ZNF493: variants seen among roughly 807,000 people sequenced by gnomAD.
ZNF493 encodes zinc finger protein 493.
In ZNF493, 11 loss-of-function variants were observed where a neutral mutation model predicts 12.2. That is an observed-to-expected ratio of 0.90 (90% CI 0.57 to 1.50). The LOEUF is 1.50. ZNF493 is among the 40% of genes most tolerant of loss of function. The pLI, the probability that ZNF493 is intolerant of heterozygous loss-of-function variation, is 0.00. For synonymous variants in ZNF493, 286 were observed against 302.6 expected, an observed-to-expected ratio of 0.95 and a Z score of 0.57; for missense variants, 950 against 906.6, an observed-to-expected ratio of 1.05 and a Z score of -0.61.
chr19:21,425,041 C>T lies in ZNF493; in HGVS notation c.*57C>T. The stretch of plus-strand genomic sequence containing the variant: ...TCCCTTACTAAAGAATGTGGCAAAG[C>T]TTTTCACCAGTACTTTACCCTTAAT... On this transcript the variant is annotated 3_prime_UTR_variant, in exon 4 of 4. Coordinates refer to ENST00000392288, the MANE Select transcript of ZNF493 (RefSeq NM_001076678.3). The T allele has an allele frequency of 3.2e-6, 5 of 1,549,664 alleles. No homozygotes were observed. Among genetic ancestry groups the T allele is most frequent in the Non-Finnish European group, 4.4e-6 (5 of 1,145,948 alleles).
rs568775867 is a variant in ZNF493 at position 21,424,055 on chromosome 19, T to C, written c.1396T>C (p.Cys466Arg). The C allele has an allele frequency of 5.6e-6, 9 of 1,613,638 alleles. No homozygotes were observed. In the African/African-American group the frequency reaches 1.2e-4, roughly 22 times the overall value. Reference sequence around the variant, plus strand: ...AGAGAAACCCTACAAATGTGAAGAATGTGGCAAAGCTTTTAAACGATCTTC... The same window carrying C: ...AGAGAAACCCTACAAATGTGAAGAACGTGGCAAAGCTTTTAAACGATCTTC... Reference protein sequence around the residue: ...TEEKPYKCEECGKAFKRSSTL... With the variant: ...TEEKPYKCEERGKAFKRSSTL... Residue 466 changes from cysteine (C) to arginine (R), a missense_variant, in exon 4 of 4, where the codon TGT becomes CGT. Transcript: ENST00000392288.
chr19:21,421,129 A>T (rs1599379930), intron 3 of ZNF493, among the ~76,000 whole-genome samples: 1 of 152,186 alleles, frequency 6.6e-6, no homozygotes, highest in South Asian at 2.1e-4. Flanking sequence ...TGTTTGATAT[A>T]AATATCTTTG....
intron 1 of ZNF493, among the ~76,000 whole-genome samples, chr19:21,401,368 G>T (rs1218079729): frequency 6.6e-6 from 1 of 151,998 alleles, no homozygotes; most frequent in Non-Finnish European, 1.5e-5. Flanking sequence ...TTTTCTTGAG[G>T]ATATTTTCAT....
Position 21,425,222 on chromosome 19 carries a change from C to A in ZNF493, c.*238C>A, listed in dbSNP as rs1414579334. ...AATGTGGCAAAGGCTTTAATTAGTT[C>A]TCATCCCTTACTAAACATAAGAGAA... On this transcript the variant is annotated 3_prime_UTR_variant, in exon 4 of 4. Coordinates refer to ENST00000392288, the MANE Select transcript of ZNF493 (RefSeq NM_001076678.3). The A allele has an allele frequency of 5.2e-6, 3 of 571,722 alleles. No individual in the cohort carries two copies. Among genetic ancestry groups the A allele is most frequent in the East Asian group, 3.3e-5 (1 of 30,610 alleles). 35.4% of individuals were successfully genotyped at this position (571,722 alleles called of 1,614,324 possible).
Position 21,425,005 on chromosome 19 carries a change from A to G in ZNF493, c.*21A>G. 6.3e-7 allele frequency: 1 copy of G among 1,577,654 alleles called. No homozygotes were observed. The highest frequency in any genetic ancestry group is 1.2e-5 in the South Asian group (1 of 84,042). On this transcript the variant is annotated 3_prime_UTR_variant, in exon 4 of 4. Transcript: ENST00000392288. ...AGTGAAGAATGTGGCAAAGGCCTTT[A>G]CTGCTCCTATTCCCTTACTAAAGAA... is the stretch of plus-strand genomic sequence containing the variant.
At chr19:21,419,609 G>C (rs2030594558) in intron 3 of ZNF493, among the ~76,000 whole-genome samples, 1 of 152,102 alleles carries the variant, frequency 6.6e-6, no homozygotes, top group African/African-American at 2.4e-5. Flanking sequence ...GCTGGCAGCT[G>C]ACTAGATGGT....
intron 3 of ZNF493, 68 bp downstream of exon 3, chr19:21,405,924 A>AG: frequency 7.8e-7 from 1 of 1,279,178 alleles, no homozygotes; most frequent in Non-Finnish European, 1.1e-6. Context: ...AAAAAAAAAA[A>AG]AAAAAGCCAG....
chr19:21,414,336 T>C (rs181268022), intron 3 of ZNF493: 1 of 152,370 alleles, frequency 6.6e-6, no homozygotes, highest in East Asian at 1.9e-4. Context: ...AGTTGGGCAT[T>C]GCTGGATAAT....
rs749326817 is a variant in ZNF493, at chr19:21,423,471, G to T, written c.812G>T (p.Gly271Val). The change falls in exon 4 of 4, where the codon GGC (glycine) becomes GTC (valine). Residue 271 changes from glycine (G) to valine (V), a missense_variant. By Grantham distance (109) the Gly-to-Val change is moderately radical. Transcript: ENST00000392288. ...GQKPYKCEEC[G>V]TSFYQFSYLT... ...AAACCCTACAAATGTGAAGAATGTG[G>T]CACATCTTTCTACCAATTCTCATAC... The T allele has an allele frequency of 6.2e-7, 1 of 1,613,578 alleles. No individual in the cohort carries two copies. Among genetic ancestry groups the T allele is most frequent in the South Asian group, 1.1e-5 (1 of 91,070 alleles).
chr19:21,424,461 A>G lies in ZNF493; in HGVS notation c.1802A>G (p.Tyr601Cys). ...ATAATTCATACTGATAAGAAACCCT[A>G]CAAATGTGAAGAATGTGGCAAAGCT... is the stretch of plus-strand genomic sequence containing the variant. ...HKIIHTDKKP[Y>C]KCEECGKAFN... Residue 601 changes from tyrosine (Y) to cysteine (C), a missense_variant, in exon 4 of 4, where the codon TAC (tyrosine) becomes TGC (cysteine). Coordinates refer to ENST00000392288, the MANE Select transcript of ZNF493 (RefSeq NM_001076678.3). 6.2e-7 allele frequency: 1 copy of G among 1,613,408 alleles called. No individual in the cohort carries two copies. Among genetic ancestry groups the G allele is most frequent in the South Asian group, 1.1e-5 (1 of 90,990 alleles).
intron 3 of ZNF493, among the ~76,000 whole-genome samples, chr19:21,411,343 T>C (rs2030319001): frequency 6.6e-6 from 1 of 152,172 alleles, no homozygotes; most frequent in Non-Finnish European, 1.5e-5. Context: ...TAGCTTTTAA[T>C]GTGTTTTGAA....
chr19:21,397,317 A>G, intron 1 of ZNF493, 50 bp downstream of exon 1: 1 of 1,611,632 alleles, frequency 6.2e-7, no homozygotes, highest in African/African-American at 1.3e-5. Flanking sequence ...AGTTGCTCGG[A>G]ACCGGTGGGA....
intron 3 of ZNF493, chr19:21,407,845 T>A: frequency 1.0e-6 from 1 of 985,386 alleles, no homozygotes; most frequent in African/African-American, 1.7e-5. Context: ...ATGCTTCCAG[T>A]GCTATGTTAA....
At chr19:21,415,013 C>T (rs2030437680) in intron 3 of ZNF493, among the ~76,000 whole-genome samples, 3 of 152,100 alleles carry the variant, frequency 2.0e-5, no homozygotes, top group Non-Finnish European at 1.5e-5. Context: ...ATAACTTTTC[C>T]AGGATCATAT....
intron 1 of ZNF493, among the ~76,000 whole-genome samples, chr19:21,402,439 CT>C (rs2145265071): frequency 6.6e-6 from 1 of 152,134 alleles, no homozygotes; most frequent in Admixed American, 6.5e-5. Context: ...CAGTTTTTTC[CT>C]TTTAGGTAGA....
chr19:21,405,822 T>A lies in ZNF493; in HGVS notation c.219T>A (p.Asn73Lys), dbSNP rs1392150307. 2 of 1,602,588 alleles carry A rather than the reference T, an allele frequency of 1.2e-6. No individual in the cohort carries two copies. Among genetic ancestry groups the A allele is most frequent in the African/African-American group, 2.8e-5 (2 of 72,182 alleles). The change falls in exon 3 of 4, where the codon AAT becomes AAA. Residue 73 changes from asparagine (N) to lysine (K), a missense_variant. Coordinates refer to ENST00000392288, the MANE Select transcript of ZNF493 (RefSeq NM_001076678.3). The part of the protein sequence containing the change: ...TCLEQGKDPW[N>K]MKGHSTVVKP... Reference sequence around the variant, plus strand: ...TGGAGCAAGGAAAAGATCCCTGGAATATGAAGGGACACAGTACGGTAGTCA... The same window carrying A: ...TGGAGCAAGGAAAAGATCCCTGGAAAATGAAGGGACACAGTACGGTAGTCA...
chr19:21,401,167 A>G (rs2029931991), intron 1 of ZNF493, among the ~76,000 whole-genome samples: 1 of 152,188 alleles, frequency 6.6e-6, no homozygotes, highest in Admixed American at 6.5e-5. Context: ...AACATGAAGG[A>G]TGGTAAATTT....
rs112738650 is a variant in ZNF493 at position 21,415,763 on chromosome 19, G to A, written c.254-7150G>A. ...GAAAACGCTTAGCAGGCTGCTAAGC[G>A]TTGTTGTTTACTGCAGGAATTGTAA... On this transcript the variant is annotated intron_variant, in intron 3 of 3. Transcript: ENST00000392288. Among the ~76,000 whole-genome samples, 644 of 152,222 alleles carry A rather than the reference G, an allele frequency of 4.2e-3. 3 individuals are homozygous for A. The highest frequency in any genetic ancestry group is 7.4e-3 in the Admixed American group (113 of 15,278).
At chr19:21,403,426 CAT>C (rs2030012143) in intron 1 of ZNF493, among the ~76,000 whole-genome samples, 1 of 152,150 alleles carries the variant, frequency 6.6e-6, no homozygotes, top group Non-Finnish European at 1.5e-5. Flanking sequence ...AATAGAGAAA[CAT>C]ATTTTTATAT....
Sources: gnomAD v4.1 joint callset for allele counts (sites outside exome capture counted in the v4.1 genomes callset) on GRCh38, gnomAD v4.1.1 for gene constraint, MANE v1.5 for transcripts, NCBI Gene and HGNC (gene_info 2026-07-23, HGNC 2026-07-21) for gene names.